The following ARSB variants were observed in gnomAD, a reference collection of about 807,000 sequenced individuals.
ARSB encodes the protein N-acetylgalactosamine-4-sulfatase.
ARSB carries 41 observed loss-of-function variants against 50.9 expected under a neutral mutation model. The ratio of observed to expected loss-of-function variants is 0.81; its 90% confidence interval spans 0.63 to 1.04. The LOEUF (loss-of-function observed/expected upper bound fraction) is 1.04. Ranked by LOEUF, ARSB falls within the 50% of genes least tolerant of loss-of-function variation. ARSB has a pLI of 0.00. For missense variants in ARSB, 672 were observed against 693.3 expected, an observed-to-expected ratio of 0.97 and a Z score of 0.35; for synonymous variants, 269 against 284.8, an observed-to-expected ratio of 0.94 and a Z score of 0.56.
In ARSB at chr5:78,780,143, C is replaced by G; in HGVS notation, c.*254G>C. 2.0e-6 allele frequency: 1 copy of G among 506,056 alleles called. No homozygotes were observed. Among genetic ancestry groups the G allele is most frequent in the Non-Finnish European group, 3.6e-6 (1 of 279,068 alleles). The allele number at this position is 506,056 out of a possible 1,614,324, so 31.3% of individuals were successfully genotyped here. A position where few individuals can be genotyped will look rare whatever the true frequency, so the allele number is the denominator to read the frequency against. ...TATTTCAAGTTAAGTTCCCAGCTGT[C>G]CCAAGGCTTAGGAAAGGGGGATAAA... On this transcript the variant is annotated 3_prime_UTR_variant, in exon 8 of 8. Coordinates refer to ENST00000264914, the MANE Select transcript of ARSB (RefSeq NM_000046.5).
At chr5:78,944,406 G>A (rs1047365163) in intron 4 of ARSB, among the ~76,000 whole-genome samples, 1 of 152,154 alleles carries the variant, frequency 6.6e-6, no homozygotes, top group South Asian at 2.1e-4. Flanking sequence ...CATCTTTGTG[G>A]TTTTATTTAC....
chr5:78,891,860 T>G (rs16876048), intron 4 of ARSB, among the ~76,000 whole-genome samples: 7,642 of 152,138 alleles, frequency 0.05, 604 homozygotes, highest in African/African-American at 0.17. Flanking sequence ...GGTCTAGGTG[T>G]TTTATGACCA....
chr5:78,914,678 T>A lies in ARSB; in HGVS notation c.899-28851A>T, dbSNP rs1034111974. Among the ~76,000 whole-genome samples, 81 of 152,196 alleles carry A rather than the reference T, an allele frequency of 5.3e-4. 1 individual carries two copies. Among genetic ancestry groups the A allele is most frequent in the Non-Finnish European group, 1.3e-4 (9 of 68,030 alleles). ...ATACCTCATTATTCGTTTTATTTCA[T>A]GAAAGTCTTTGTTTTTGAGACAGAG... On this transcript the variant is annotated intron_variant, in intron 4 of 7. Transcript: ENST00000264914.
intron 5 of ARSB, among the ~76,000 whole-genome samples, chr5:78,876,888 C>T (rs1044365829): frequency 1.2e-4 from 18 of 152,104 alleles, no homozygotes; most frequent in African/African-American, 3.6e-4. Context: ...CATAGGAGTG[C>T]GAATCCTACT....
chr5:78,935,928 CCTCCA>C (rs373704328), intron 4 of ARSB, among the ~76,000 whole-genome samples: 14,775 of 121,308 alleles, frequency 0.12, 1,374 homozygotes, highest in Non-Finnish European at 0.17. Context: ...CCTCCCCTCT[CCTCCA>C]CTCCCCTCCC....
intron 6 of ARSB, among the ~76,000 whole-genome samples, chr5:78,805,195 C>T (rs1030957205): frequency 2.6e-5 from 4 of 152,168 alleles, no homozygotes; most frequent in Non-Finnish European, 4.4e-5. Flanking sequence ...ATTGCTGAGT[C>T]GCATAACAAG....
intron 5 of ARSB, among the ~76,000 whole-genome samples, chr5:78,870,782 C>T (rs1262869752): frequency 6.6e-6 from 1 of 150,958 alleles, no homozygotes; most frequent in Non-Finnish European, 1.5e-5. Flanking sequence ...TCTCACCACT[C>T]CTATTCAACA....
chr5:78,864,261 C>G (rs777359486), intron 5 of ARSB, among the ~76,000 whole-genome samples: 1 of 152,128 alleles, frequency 6.6e-6, no homozygotes, highest in Non-Finnish European at 1.5e-5. Flanking sequence ...ATTAATTGGA[C>G]TACAGTTACA....
chr5:78,974,001 C>T (rs1490553226), intron 1 of ARSB, among the ~76,000 whole-genome samples: 1 of 152,204 alleles, frequency 6.6e-6, no homozygotes, highest in African/African-American at 2.4e-5. Flanking sequence ...AACGCAATCA[C>T]AGAACATGCT....
rs530195701 is a variant in ARSB at position 78,832,774 on chromosome 5, T to C, written c.1213+6582A>G. On this transcript the variant is annotated intron_variant, in intron 6 of 7. Coordinates refer to ENST00000264914, the MANE Select transcript of ARSB (RefSeq NM_000046.5). Reference sequence around the variant, plus strand: ...TAAATGAAATAGTAACAAAGCTGTATGGAATCACTTTGAAGAGCTGGCCTT... The same window carrying C: ...TAAATGAAATAGTAACAAAGCTGTACGGAATCACTTTGAAGAGCTGGCCTT... Among the ~76,000 whole-genome samples, 7 of 152,302 alleles carry C rather than the reference T, an allele frequency of 4.6e-5. No individual in the cohort carries two copies. The East Asian group carries it at 1.2e-3, about 25-fold the overall frequency.
Position 78,885,351 on chromosome 5 carries a change from G to A in ARSB, c.1142+233C>T, listed in dbSNP as rs10039384. 0.63 allele frequency: 377,469 copies of A among 596,950 alleles called. 124,007 individuals carry two copies. Among genetic ancestry groups the A allele is most frequent in the East Asian group, 0.95 (31,441 of 33,172 alleles). 37.0% of individuals were successfully genotyped at this position (596,950 alleles called of 1,614,324 possible). A position where few individuals can be genotyped will look rare whatever the true frequency, so the allele number is the denominator to read the frequency against. ...GCTTCAAAGACCTTCCATGGAGGGC[G>A]ATGGGCTGAGGACAATCTTGTTCTT... On this transcript the variant is annotated intron_variant, in intron 5 of 7. Transcript: ENST00000264914.
At chr5:78,894,104 A>C (rs1748459529) in intron 4 of ARSB, among the ~76,000 whole-genome samples, 1 of 152,222 alleles carries the variant, frequency 6.6e-6, no homozygotes, top group Admixed American at 6.5e-5. Flanking sequence ...GTAATGAATG[A>C]GAAAAGTACC....
chr5:78,885,421 T>C lies in ARSB; in HGVS notation c.1142+163A>G. On this transcript the variant is annotated intron_variant, in intron 5 of 7. Transcript: ENST00000264914. ...CAATCTCAAATTTATAATTTAAAAATATATATACTTACAATGTCTCTAAAG... is the reference window on the plus strand; with the variant it reads ...CAATCTCAAATTTATAATTTAAAAACATATATACTTACAATGTCTCTAAAG... 3.0e-6 allele frequency: 3 copies of C among 991,844 alleles called. No individual in the cohort carries two copies. In the South Asian group the frequency reaches 5.8e-5, roughly 19 times the overall value. 61.4% of individuals were successfully genotyped at this position (991,844 alleles called of 1,614,324 possible). A position where few individuals can be genotyped will look rare whatever the true frequency, so the allele number is the denominator to read the frequency against.
At position 78,922,385 on chromosome 5, in the gene ARSB, G is replaced by A. The variant is rs116247449; in HGVS notation, c.898+32910C>T. On this transcript the variant is annotated intron_variant, in intron 4 of 7. Transcript: ENST00000264914. ...CCACAGCAGGATAGGGCACCAGACAGAGTCCTGAGGTCCCCATTCCAGGCC... is the reference window on the plus strand; with the variant it reads ...CCACAGCAGGATAGGGCACCAGACAAAGTCCTGAGGTCCCCATTCCAGGCC... Among the ~76,000 whole-genome samples, 977 of 152,074 alleles carry A rather than the reference G, an allele frequency of 6.4e-3. 12 individuals are homozygous for A. The highest frequency in any genetic ancestry group is 0.022 in the African/African-American group (905 of 41,474).
At chr5:78,876,199 A>C (rs1422844554) in intron 5 of ARSB, among the ~76,000 whole-genome samples, 1 of 152,122 alleles carries the variant, frequency 6.6e-6, no homozygotes, top group Non-Finnish European at 1.5e-5. Context: ...ATTACAAAGT[A>C]GAATGAAGAA....
chr5:78,819,981 A>G (rs1283961564), intron 6 of ARSB, among the ~76,000 whole-genome samples: 1 of 152,256 alleles, frequency 6.6e-6, no homozygotes, highest in East Asian at 1.9e-4. Context: ...AGGTGGGGCC[A>G]TTGGGAAGTG....
At chr5:78,933,192 G>A (rs922015517) in intron 4 of ARSB, among the ~76,000 whole-genome samples, 4 of 152,164 alleles carry the variant, frequency 2.6e-5, no homozygotes, top group Non-Finnish European at 5.9e-5. Flanking sequence ...TTATTTTACC[G>A]AAAAAGTATT....
At chr5:78,816,421 C>T (rs1743994538) in intron 6 of ARSB, among the ~76,000 whole-genome samples, 1 of 152,212 alleles carries the variant, frequency 6.6e-6, no homozygotes. Context: ...CCCAGCCCCA[C>T]CCTCAGTCAC....
At chr5:78,829,908 G>T (rs962479604) in intron 6 of ARSB, among the ~76,000 whole-genome samples, 3 of 152,194 alleles carry the variant, frequency 2.0e-5, no homozygotes, top group African/African-American at 7.2e-5. Context: ...TGGTAAGACT[G>T]GGGAACTGAG....
Sources: allele counts gnomAD v4.1 joint callset (sites outside exome capture counted in the v4.1 genomes callset), GRCh38; gene constraint gnomAD v4.1.1; transcripts MANE v1.5; gene names NCBI Gene and HGNC (gene_info 2026-07-23, HGNC 2026-07-21).